Variants in KANSL1 observed in about 807,000 individuals in gnomAD.
KANSL1 encodes the protein MLL1/MLL complex subunit KANSL1.
A neutral mutation model predicts 103.6 loss-of-function variants in KANSL1; 22 were observed. The observed-to-expected ratio is 0.21, with a 90% CI of 0.15 to 0.30. KANSL1 has a LOEUF of 0.30. KANSL1 is among the 10% of genes least tolerant of loss of function. KANSL1 has a pLI of 1.00. For synonymous variants in KANSL1, 600 were observed against 527.6 expected, an observed-to-expected ratio of 1.14 and a Z score of -1.88; for missense variants, 1,337 against 1,399.8, an observed-to-expected ratio of 0.96 and a Z score of 0.72.
chr17:46,168,442 C>T (rs1372988694), intron 2 of KANSL1, among the ~76,000 whole-genome samples: 1 of 152,090 alleles, frequency 6.6e-6, no homozygotes, highest in Non-Finnish European at 1.5e-5. Context: ...CCGCCTCTCA[C>T]GTTCAAGCGA....
At chr17:46,097,627 A>G (rs1307017691) in intron 2 of KANSL1, among the ~76,000 whole-genome samples, 3 of 152,254 alleles carry the variant, frequency 2.0e-5, no homozygotes, top group Admixed American at 2.0e-4. Flanking sequence ...CACTGGGGAT[A>G]CATGGTGTCT....
intron 3 of KANSL1, chr17:46,093,550 A>G (rs1487725627): frequency 6.6e-6 from 1 of 152,646 alleles, no homozygotes; most frequent in Non-Finnish European, 1.5e-5. Flanking sequence ...CATTTTTAGA[A>G]TAAAAGTTTA....
intron 2 of KANSL1, among the ~76,000 whole-genome samples, chr17:46,154,567 C>G (rs1263712595): frequency 6.6e-6 from 1 of 152,182 alleles, no homozygotes; most frequent in Non-Finnish European, 1.5e-5. Context: ...CAGGCCTAAG[C>G]CACCGTGCCC....
chr17:46,202,362 A>C (rs1169009851), intron 1 of KANSL1, among the ~76,000 whole-genome samples: 1 of 152,236 alleles, frequency 6.6e-6, no homozygotes, highest in Non-Finnish European at 1.5e-5. Flanking sequence ...ATTTCGGATA[A>C]GGGATATTCA....
intron 6 of KANSL1, 34 bp from the exon 7 acceptor site, chr17:46,050,738 G>T (rs1276338791): frequency 1.3e-6 from 2 of 1,586,460 alleles, no homozygotes; most frequent in East Asian, 4.5e-5. Flanking sequence ...TGACAATTCA[G>T]CATCTGATAA....
At chr17:46,063,540 A>G (rs1386580850) in intron 6 of KANSL1, among the ~76,000 whole-genome samples, 1 of 152,210 alleles carries the variant, frequency 6.6e-6, no homozygotes, top group Non-Finnish European at 1.5e-5. Context: ...TTTCTGCTAG[A>G]TCTAGTACAT....
Position 46,038,582 on chromosome 17 carries a change from G to A in KANSL1, c.2497C>T (p.Pro833Ser), listed in dbSNP as rs2146357893. 2 of 1,614,154 alleles carry A rather than the reference G, an allele frequency of 1.2e-6. No individual in the cohort carries two copies. Among genetic ancestry groups the A allele is most frequent in the Non-Finnish European group, 1.7e-6 (2 of 1,180,030 alleles). Residue 833 changes from proline (P) to serine (S), a missense_variant, in exon 10 of 15, where the codon CCT becomes TCT. Pro to Ser is a moderately conservative substitution (Grantham distance 74). This residue lies in a region of KANSL1 where 780 missense variants were observed against 923.4 expected (regional missense o/e 0.84). Coordinates refer to ENST00000432791, the MANE Select transcript of KANSL1 (RefSeq NM_015443.4). Reference sequence around the variant, plus strand: ...TGTGAGCTAGAGCTGGCGGGTGCAGGGGAATCTGAGGAGGTGGAGAGCTGT... The same window carrying A: ...TGTGAGCTAGAGCTGGCGGGTGCAGAGGAATCTGAGGAGGTGGAGAGCTGT... ...VRQLSTSSDS[P>S]APASSSSQVT...
intron 6 of KANSL1, among the ~76,000 whole-genome samples, chr17:46,063,422 C>A (rs1172434405): frequency 6.6e-6 from 1 of 152,180 alleles, no homozygotes; most frequent in Non-Finnish European, 1.5e-5. Flanking sequence ...GCTTGCTCAT[C>A]AGCAAATACC....
chr17:46,171,801 A>T lies in KANSL1; in HGVS notation c.343T>A (p.Ser115Thr). 1 of 1,614,030 alleles carries T rather than the reference A, an allele frequency of 6.2e-7. No homozygotes were observed. Among genetic ancestry groups the T allele is most frequent in the Non-Finnish European group, 8.5e-7 (1 of 1,179,930 alleles). Residue 115 changes from serine to threonine, a missense_variant, in exon 2 of 15, where the codon TCT (serine) becomes ACT (threonine). Coordinates refer to ENST00000432791, the MANE Select transcript of KANSL1 (RefSeq NM_015443.4). ...TCAGCTCGGAGTTCATAGGACTGAGATAAGAGAGGATGAGATTTAAGGACT... is the reference window on the plus strand; with the variant it reads ...TCAGCTCGGAGTTCATAGGACTGAGTTAAGAGAGGATGAGATTTAAGGACT... ...QTVLKSHPLL[S>T]QSYELRAELL...
chr17:46,088,941 T>C (rs1315651898), intron 3 of KANSL1, among the ~76,000 whole-genome samples: 7 of 152,290 alleles, frequency 4.6e-5, no homozygotes, highest in Middle Eastern at 3.4e-3. Context: ...GTGTGAAATT[T>C]CAACAAACAT....
chr17:46,122,895 C>T (rs1567699945), intron 2 of KANSL1, among the ~76,000 whole-genome samples: 6 of 152,166 alleles, frequency 3.9e-5, no homozygotes. Context: ...TGGCCATTCC[C>T]CTGTCTCTCT....
intron 1 of KANSL1, among the ~76,000 whole-genome samples, chr17:46,178,162 T>A (rs1413044075): frequency 6.6e-6 from 1 of 152,070 alleles, no homozygotes; most frequent in Admixed American, 6.5e-5. Context: ...AAAGCTTCAA[T>A]CTTTGACAAT....
chr17:46,193,710 G>A, upstream of KANSL1: 1 of 265,050 alleles, frequency 3.8e-6, no homozygotes, highest in Non-Finnish European at 7.9e-6. Context: ...CACTGCGGCA[G>A]GGGGAAGCCA....
At chr17:46,067,881 A>C (rs1160050281) in intron 4 of KANSL1, among the ~76,000 whole-genome samples, 1 of 152,180 alleles carries the variant, frequency 6.6e-6, no homozygotes, top group Non-Finnish European at 1.5e-5. Flanking sequence ...AGGCCAAGGC[A>C]GGAGGATCGC....
chr17:46,190,738 AC>A (rs1225886163), intron 1 of KANSL1, among the ~76,000 whole-genome samples: 3 of 152,294 alleles, frequency 2.0e-5, no homozygotes, highest in Non-Finnish European at 4.4e-5. Flanking sequence ...TGAGGTACTA[AC>A]AAATACACCA....
intron 2 of KANSL1, among the ~76,000 whole-genome samples, chr17:46,127,543 G>C (rs536120703): frequency 1.3e-5 from 2 of 152,214 alleles, no homozygotes; most frequent in Admixed American, 1.3e-4. Context: ...AGGCCAAGGC[G>C]GACAGATTGC....
rs796406352 is a variant in KANSL1 at position 46,171,189 on chromosome 17, G to A, written c.955C>T (p.His319Tyr). 1.9e-6 allele frequency: 3 copies of A among 1,614,148 alleles called. No homozygotes were observed. Among genetic ancestry groups the A allele is most frequent in the South Asian group, 1.1e-5 (1 of 91,090 alleles). The change falls in exon 2 of 15, where the codon CAT becomes TAT. Residue 319 changes from histidine to tyrosine, a missense_variant. Coordinates refer to ENST00000432791, the MANE Select transcript of KANSL1 (RefSeq NM_015443.4). ...TTCTCCAAAAATCCACCCAGCTGAT[G>A]TTGTATATGCCTCTCAACCTGCTTG... ...QAKQVERHIQHQLGGFLEKTL... is the reference protein window; with the variant it reads ...QAKQVERHIQYQLGGFLEKTL...
chr17:46,066,458 A>AC, intron 6 of KANSL1, 79 bp downstream of exon 6: 1 of 1,324,392 alleles, frequency 7.6e-7, no homozygotes, highest in Middle Eastern at 2.9e-4. Context: ...TTTAGAAAAC[A>AC]CCAAAGTTGG....
At chr17:46,150,924 T>C (rs1324448256) in intron 2 of KANSL1, among the ~76,000 whole-genome samples, 3 of 75,942 alleles carry the variant, frequency 4.0e-5, no homozygotes, top group South Asian at 4.3e-4. Flanking sequence ...ATCCCTATTC[T>C]GTCAAAAAAA....
Sources: allele counts gnomAD v4.1 joint callset (sites outside exome capture counted in the v4.1 genomes callset), GRCh38; gene constraint gnomAD v4.1.1; regional missense constraint gnomAD v4.1.1; transcripts MANE v1.5; gene names NCBI Gene and HGNC (gene_info 2026-07-23, HGNC 2026-07-21).